CLASP2: variants seen among roughly 807,000 people sequenced by gnomAD.
The protein encoded by CLASP2 is cytoplasmic linker associated protein 2.
In CLASP2, 47 loss-of-function variants were observed where a neutral mutation model predicts 194.4. That is an observed-to-expected ratio of 0.24 (90% CI 0.19 to 0.31). The LOEUF is 0.31. CLASP2 is among the 10% of genes least tolerant of loss of function. The pLI is 1.00. For missense variants in CLASP2, 1,445 were observed against 1,823.6 expected (o/e 0.79, Z 3.78); for synonymous variants, 619 against 633.5 (o/e 0.98, Z 0.34).
chr3:33,684,911 G>A (rs1037395190), intron 5 of CLASP2, among the ~76,000 whole-genome samples: 1 of 151,710 alleles, frequency 6.6e-6, no homozygotes, highest in East Asian at 1.9e-4. Flanking sequence ...CTGAGGCAGG[G>A]GAATTGCTTG....
At chr3:33,705,497 A>G (rs766089607) in intron 1 of CLASP2, among the ~76,000 whole-genome samples, 1 of 152,206 alleles carries the variant, frequency 6.6e-6, no homozygotes, top group Non-Finnish European at 1.5e-5. Flanking sequence ...ACCTGTAGCT[A>G]TTACAAAATC....
chr3:33,601,051 C>T (rs2071994110), intron 18 of CLASP2, among the ~76,000 whole-genome samples: 4 of 150,926 alleles, frequency 2.7e-5, no homozygotes, highest in South Asian at 4.2e-4. Flanking sequence ...CTCCGCCTCC[C>T]GGGTTCACGC....
intron 37 of CLASP2, among the ~76,000 whole-genome samples, 189 bp downstream of exon 37, chr3:33,510,369 T>TA (rs1388435228): frequency 6.6e-6 from 1 of 152,204 alleles, no homozygotes; most frequent in African/African-American, 2.4e-5. Context: ...TCGTTAATTT[T>TA]ATGTTATGTA....
At chr3:33,686,768 G>C (rs2090729415) in intron 5 of CLASP2, among the ~76,000 whole-genome samples, 1 of 152,180 alleles carries the variant, frequency 6.6e-6, no homozygotes, top group East Asian at 1.9e-4. Flanking sequence ...CATACAGGTA[G>C]ACTGTAGCAG....
intron 1 of CLASP2, among the ~76,000 whole-genome samples, chr3:33,704,701 C>T (rs1253661419): frequency 4.6e-5 from 7 of 151,702 alleles, no homozygotes; most frequent in African/African-American, 1.2e-4. Flanking sequence ...TGCAGTGAGC[C>T]GAGATTGCAC....
intron 34 of CLASP2, among the ~76,000 whole-genome samples, chr3:33,534,181 ATAGT>A (rs2056890648): frequency 6.6e-6 from 1 of 152,220 alleles, no homozygotes; most frequent in Admixed American, 6.5e-5. Flanking sequence ...TTATCTGTGT[ATAGT>A]TATATATTAC....
At chr3:33,559,415 A>G in intron 28 of CLASP2, 30 bp from the exon 29 acceptor site, 2 of 1,369,106 alleles carry the variant, frequency 1.5e-6, no homozygotes, top group Non-Finnish European at 2.0e-6. Flanking sequence ...AAACGAAACA[A>G]AAATTTAGTT....
At chr3:33,577,292 A>C in intron 23 of CLASP2, 1 of 1,570,900 alleles carries the variant, frequency 6.4e-7, no homozygotes, top group Non-Finnish European at 8.6e-7. Flanking sequence ...TACAAACCTC[A>C]TCTATTACCA....
intron 27 of CLASP2, 103 bp downstream of exon 27, chr3:33,566,629 T>A (rs2154186577): frequency 2.6e-6 from 1 of 388,558 alleles, no homozygotes; most frequent in East Asian, 7.7e-5. Flanking sequence ...TTGCAAAGGT[T>A]CCAACACTGC....
chr3:33,636,905 AT>A (rs2080253227), intron 8 of CLASP2, among the ~76,000 whole-genome samples: 1 of 152,168 alleles, frequency 6.6e-6, no homozygotes, highest in African/African-American at 2.4e-5. Context: ...CTGGCCAAAA[AT>A]TTTGTTTAAA....
intron 14 of CLASP2, 127 bp from the exon 15 acceptor site, chr3:33,607,588 G>T: frequency 1.8e-6 from 1 of 555,542 alleles, no homozygotes; most frequent in Non-Finnish European, 3.0e-6. Flanking sequence ...ATTAATTAGT[G>T]TACAATAATA....
At chr3:33,596,860 C>A (rs1432322281) in intron 18 of CLASP2, 126 bp from the exon 19 acceptor site, 2 of 702,760 alleles carry the variant, frequency 2.8e-6, no homozygotes, top group African/African-American at 1.8e-5. Context: ...ATATATCAAG[C>A]TTGTTTTCAA....
chr3:33,564,055 G>A (rs2062231815), intron 27 of CLASP2: 2 of 390,262 alleles, frequency 5.1e-6, no homozygotes, highest in African/African-American at 2.1e-5. Flanking sequence ...AACTCACAGA[G>A]GGGCAAACTA....
intron 1 of CLASP2, among the ~76,000 whole-genome samples, chr3:33,717,522 A>G (rs1032927333): frequency 1.3e-5 from 2 of 151,708 alleles, no homozygotes; most frequent in Non-Finnish European, 2.9e-5. Flanking sequence ...TGCCTGCTAG[A>G]TTCAAGCGAT....
chr3:33,641,273 G>C (rs2081229167), intron 8 of CLASP2, among the ~76,000 whole-genome samples: 1 of 151,768 alleles, frequency 6.6e-6, no homozygotes, highest in Non-Finnish European at 1.5e-5. Context: ...GGTACTTTCA[G>C]CAATTCTAGT....
At chr3:33,581,725 T>C (rs2066184513) in intron 23 of CLASP2, 96 bp downstream of exon 23, 2 of 774,694 alleles carry the variant, frequency 2.6e-6, no homozygotes, top group African/African-American at 1.7e-5. Context: ...GAAAGATCTG[T>C]CGACAAAGAA....
chr3:33,646,549 C>T (rs573366254), intron 7 of CLASP2, among the ~76,000 whole-genome samples: 1 of 152,058 alleles, frequency 6.6e-6, no homozygotes, highest in South Asian at 2.1e-4. Flanking sequence ...AAAGAGTAGA[C>T]ATACAAATCT....
At chr3:33,675,055 G>A (rs1426613903) in intron 6 of CLASP2, among the ~76,000 whole-genome samples, 1 of 152,068 alleles carries the variant, frequency 6.6e-6, no homozygotes, top group Admixed American at 6.5e-5. Context: ...CCAATCAATA[G>A]AAAAAGAGGG....
intron 11 of CLASP2, among the ~76,000 whole-genome samples, chr3:33,621,469 T>C (rs2077096110): frequency 6.6e-6 from 1 of 152,222 alleles, no homozygotes; most frequent in African/African-American, 2.4e-5. Context: ...CTGTAGATTC[T>C]CTTGCAGTTT....
Sources: gnomAD v4.1 joint callset for allele counts (sites outside exome capture counted in the v4.1 genomes callset) on GRCh38, gnomAD v4.1.1 for gene constraint, MANE v1.5 for transcripts, NCBI Gene and HGNC (gene_info 2026-07-23, HGNC 2026-07-21) for gene names.